The following DNAH6 variants were observed in gnomAD, a reference collection of about 807,000 sequenced individuals.
DNAH6 encodes dynein axonemal heavy chain 6, also known as axonemal beta dynein heavy chain 6.
Under a neutral mutation model 491.4 loss-of-function variants are expected in DNAH6, and 340 were observed. The observed-to-expected ratio is 0.69, with a 90% CI of 0.63 to 0.76. The LOEUF (loss-of-function observed/expected upper bound fraction) is 0.76, where lower values mean the gene tolerates loss of function less well. Among genes scored for constraint, DNAH6 ranks in the 30% least tolerant of loss-of-function variants. DNAH6 has a pLI of 0.00. For synonymous variants in DNAH6, 1,603 were observed against 1,686.1 expected (o/e 0.95, Z 1.21); for missense variants, 4,443 against 4,972.2 (o/e 0.89, Z 3.20).
the DNAH6 span, among the ~76,000 whole-genome samples, chr2:84,488,181 A>G: frequency 6.6e-6 from 1 of 152,218 alleles, no homozygotes; most frequent in African/African-American, 2.4e-5. Context: ...CTAGGTAGGT[A>G]TGTTAGTTTT....
intron 4 of DNAH6, among the ~76,000 whole-genome samples, chr2:84,536,153 A>G (rs745961060): frequency 6.6e-6 from 1 of 152,080 alleles, no homozygotes; most frequent in African/African-American, 2.4e-5. Context: ...AAAACTGAGA[A>G]CAAATACTAT....
At chr2:84,804,205 CAAAAA>C (rs5832625) in intron 70 of DNAH6, among the ~76,000 whole-genome samples, 1 of 66,480 alleles carries the variant, frequency 1.5e-5, no homozygotes, top group South Asian at 5.0e-4. Flanking sequence ...GACTCCATCT[CAAAAA>C]AAAAAAAAAA....
At chr2:84,564,652 C>A (rs769955771) in intron 11 of DNAH6, among the ~76,000 whole-genome samples, 2 of 152,104 alleles carry the variant, frequency 1.3e-5, no homozygotes, top group Non-Finnish European at 2.9e-5. Context: ...CATTTGATTT[C>A]TTCCCTTCCT....
chr2:84,743,114 G>A (rs1414317905), intron 62 of DNAH6, among the ~76,000 whole-genome samples: 1 of 152,164 alleles, frequency 6.6e-6, no homozygotes, highest in Non-Finnish European at 1.5e-5. Context: ...GAGATGGACA[G>A]TTAGGGACAG....
intron 29 of DNAH6, among the ~76,000 whole-genome samples, chr2:84,627,040 C>T (rs528764870): frequency 5.3e-5 from 8 of 152,302 alleles, no homozygotes; most frequent in African/African-American, 1.7e-4. Flanking sequence ...TGGTGCAAAT[C>T]GATACTGGTC....
the DNAH6 span, among the ~76,000 whole-genome samples, chr2:84,505,900 A>G: frequency 6.6e-6 from 1 of 152,170 alleles, no homozygotes; most frequent in Non-Finnish European, 1.5e-5. Flanking sequence ...ATCATCTTTT[A>G]TGGCTGCATA....
chr2:84,686,057 G>A (rs1445307316), intron 43 of DNAH6, among the ~76,000 whole-genome samples: 1 of 151,928 alleles, frequency 6.6e-6, no homozygotes, highest in African/African-American at 2.4e-5. Flanking sequence ...GTGTGGTGGT[G>A]TGCACCTATA....
At chr2:84,778,078 T>C in intron 64 of DNAH6, 1 of 894,546 alleles carries the variant, frequency 1.1e-6, no homozygotes, top group Non-Finnish European at 1.9e-6. Flanking sequence ...CTCCCTTCAG[T>C]TTATCTTCCA....
chr2:84,713,554 C>G (rs1697251894), intron 57 of DNAH6, among the ~76,000 whole-genome samples: 1 of 152,256 alleles, frequency 6.6e-6, no homozygotes, highest in Admixed American at 6.5e-5. Flanking sequence ...CTCGCCATCT[C>G]CCTCCTGGTC....
chr2:84,603,034 CT>C, intron 18 of DNAH6, among the ~76,000 whole-genome samples: 1 of 152,054 alleles, frequency 6.6e-6, no homozygotes, highest in East Asian at 1.9e-4. Context: ...CCATTAGAAC[CT>C]TTAACATGTT....
At chr2:84,518,532 G>T (rs963108668) in intron 2 of DNAH6, among the ~76,000 whole-genome samples, 5 of 152,148 alleles carry the variant, frequency 3.3e-5, no homozygotes, top group Non-Finnish European at 5.9e-5. Flanking sequence ...CAGTGAAAGC[G>T]AAAAAATTAA....
rs1463439939 is a variant in DNAH6 at position 84,583,252 on chromosome 2, C to T, written c.2230-747C>T. On this transcript the variant is annotated intron_variant, in intron 14 of 76. Transcript: ENST00000389394. Reference sequence around the variant, plus strand: ...AGCCAAGTCCACAGCCTATCGATCCCTCGGGCTGCTCTGGGATGATCACTG... The same window carrying T: ...AGCCAAGTCCACAGCCTATCGATCCTTCGGGCTGCTCTGGGATGATCACTG... Among the ~76,000 whole-genome samples, 7 of 152,206 alleles carry T rather than the reference C, an allele frequency of 4.6e-5. No individual in the cohort carries two copies. In the South Asian group the frequency reaches 8.3e-4, roughly 18 times the overall value.
chr2:84,598,159 C>CTTTCT (rs1553438083), intron 18 of DNAH6, among the ~76,000 whole-genome samples: 1,899 of 71,198 alleles, frequency 0.027, 60 homozygotes, highest in African/African-American at 0.06. Flanking sequence ...TTCTTTCTTT[C>CTTTCT]TTTCTTTCTT....
intron 22 of DNAH6, 108 bp downstream of exon 22, chr2:84,611,962 A>T: frequency 3.1e-6 from 3 of 966,164 alleles, no homozygotes; most frequent in East Asian, 2.7e-5. Flanking sequence ...CATATGGTCC[A>T]TTCAACCCTT....
intron 72 of DNAH6, among the ~76,000 whole-genome samples, chr2:84,810,605 T>C (rs1342386757): frequency 1.3e-5 from 2 of 152,208 alleles, no homozygotes; most frequent in Non-Finnish European, 2.9e-5. Context: ...GCCATGGCTT[T>C]GTTCCCAGCC....
chr2:84,700,659 A>G (rs780121369), intron 48 of DNAH6, among the ~76,000 whole-genome samples: 6 of 152,310 alleles, frequency 3.9e-5, no homozygotes, highest in Non-Finnish European at 7.3e-5. Context: ...CATTTGACCA[A>G]TGTTCAAGTG....
chr2:84,578,616 T>C (rs1682708027), intron 13 of DNAH6, among the ~76,000 whole-genome samples: 1 of 152,200 alleles, frequency 6.6e-6, no homozygotes. Flanking sequence ...AATTATTTGT[T>C]TGTATGGAGA....
At chr2:84,572,963 G>T (rs1682048339) in intron 11 of DNAH6, among the ~76,000 whole-genome samples, 1 of 152,114 alleles carries the variant, frequency 6.6e-6, no homozygotes, top group African/African-American at 2.4e-5. Context: ...GTTTAAGAGG[G>T]GTGAAGAAAA....
Position 84,675,421 on chromosome 2 carries a change from T to G in DNAH6, c.6613-1584T>G, listed in dbSNP as rs1693143616. Among the ~76,000 whole-genome samples the G allele has an allele frequency of 3.3e-5, 5 of 152,248 alleles. No individual in the cohort carries two copies. The South Asian group carries it at 1.0e-3, about 32-fold the overall frequency. ...GAGTGCCTTCCTCTTGGTCTTCAGA[T>G]TCTTCTTCCTACCAAAGGAATTGGC... On this transcript the variant is annotated intron_variant, in intron 40 of 76. Transcript: ENST00000389394.
Sources: gnomAD v4.1 joint callset for allele counts (sites outside exome capture counted in the v4.1 genomes callset) on GRCh38, gnomAD v4.1.1 for gene constraint, MANE v1.5 for transcripts, NCBI Gene and HGNC (gene_info 2026-07-23, HGNC 2026-07-21) for gene names.